ATRNL1: variants seen among roughly 807,000 people sequenced by gnomAD.
ATRNL1 encodes the protein attractin like 1.
In ATRNL1, 95 loss-of-function variants were observed where a neutral mutation model predicts 182.7. That is an observed-to-expected ratio of 0.52 (90% CI 0.44 to 0.62). The LOEUF (loss-of-function observed/expected upper bound fraction) is 0.62. Among genes scored for constraint, ATRNL1 ranks in the 20% least tolerant of loss-of-function variants. The probability of loss-of-function intolerance (pLI) is 0.00; values close to 1 mark genes in which losing one functional copy is unlikely to be tolerated. For missense variants in ATRNL1, 1,471 were observed against 1,679.5 expected (o/e 0.88, Z 2.17); for synonymous variants, 576 against 568.3 (o/e 1.01, Z -0.19).
intron 8 of ATRNL1, among the ~76,000 whole-genome samples, chr10:115,187,829 G>C (rs1238498079): frequency 6.6e-6 from 1 of 151,260 alleles, no homozygotes; most frequent in African/African-American, 2.4e-5. Flanking sequence ...CTACAGGTGC[G>C]CGCCAGCATG....
At chr10:115,292,385 T>C (rs1343836300) in intron 15 of ATRNL1, among the ~76,000 whole-genome samples, 1 of 151,918 alleles carries the variant, frequency 6.6e-6, no homozygotes, top group African/African-American at 2.4e-5. Context: ...TCTTTATTTT[T>C]TTCCTTCTTC....
At chr10:115,169,208 T>C (rs1200400126) in intron 7 of ATRNL1, among the ~76,000 whole-genome samples, 1 of 135,674 alleles carries the variant, frequency 7.4e-6, no homozygotes, top group African/African-American at 3.1e-5. Flanking sequence ...TTTGATTACT[T>C]TTTTTTTTTT....
chr10:115,120,082 G>T, intron 1 of ATRNL1, 103 bp from the exon 2 acceptor site: 1 of 679,394 alleles, frequency 1.5e-6, no homozygotes, highest in South Asian at 1.9e-5. Flanking sequence ...AAATTGTTAT[G>T]TCCCGTTCCT....
At chr10:115,643,264 G>T (rs189358041) in intron 26 of ATRNL1, among the ~76,000 whole-genome samples, 3 of 152,206 alleles carry the variant, frequency 2.0e-5, no homozygotes, top group Admixed American at 6.5e-5. Context: ...GAACAATTGG[G>T]TATAAATATG....
chr10:115,650,376 C>CA (rs35319052), intron 26 of ATRNL1, among the ~76,000 whole-genome samples: 75,439 of 151,618 alleles, frequency 0.5, 19,626 homozygotes, highest in East Asian at 0.84. Context: ...TATTGTTTAT[C>CA]TGATTTATAT....
At chr10:115,403,283 C>G (rs566677881) in intron 20 of ATRNL1, among the ~76,000 whole-genome samples, 15 of 88,162 alleles carry the variant, frequency 1.7e-4, no homozygotes, top group African/African-American at 1.2e-3. Context: ...TTTTAGTCTG[C>G]TATATGGGGA....
intron 27 of ATRNL1, among the ~76,000 whole-genome samples, chr10:115,767,043 G>T (rs563143168): frequency 6.6e-6 from 1 of 152,134 alleles, no homozygotes; most frequent in Non-Finnish European, 1.5e-5. Context: ...AATTGCAAGG[G>T]TTTATGATAA....
chr10:115,420,854 G>T (rs1474095267), intron 20 of ATRNL1, among the ~76,000 whole-genome samples: 1 of 152,046 alleles, frequency 6.6e-6, no homozygotes, highest in Non-Finnish European at 1.5e-5. Flanking sequence ...AATCAAAGAT[G>T]AAAAAGGAGA....
intron 20 of ATRNL1, among the ~76,000 whole-genome samples, chr10:115,409,948 T>C (rs1592613561): frequency 6.6e-6 from 1 of 152,166 alleles, no homozygotes; most frequent in African/African-American, 2.4e-5. Flanking sequence ...ATGTTGAATT[T>C]TGTCAAATGC....
chr10:115,419,726 A>G (rs1275973847), intron 20 of ATRNL1, among the ~76,000 whole-genome samples: 2 of 152,252 alleles, frequency 1.3e-5, no homozygotes, highest in African/African-American at 4.8e-5. Flanking sequence ...AGATACAATT[A>G]TAAACATATA....
At chr10:115,203,745 A>ATTTTTTTTT (rs71476116) in intron 8 of ATRNL1, among the ~76,000 whole-genome samples, 304 of 105,994 alleles carry the variant, frequency 2.9e-3, no homozygotes, top group African/African-American at 7.4e-3. Flanking sequence ...ATGCCTGGCT[A>ATTTTTTTTT]TTTTTTTTTT....
chr10:115,129,644 A>G (rs1845136250), intron 5 of ATRNL1, 109 bp downstream of exon 5: 8 of 744,996 alleles, frequency 1.1e-5, no homozygotes, highest in South Asian at 5.2e-5. Flanking sequence ...CAAGCCTTAT[A>G]TATTTACTTT....
intron 26 of ATRNL1, chr10:115,597,829 C>T (rs935594784): frequency 1.7e-5 from 5 of 296,936 alleles, no homozygotes; most frequent in Admixed American, 4.9e-5. Flanking sequence ...GCCACCGCGC[C>T]GGGCCTCTAT....
chr10:115,458,750 A>C (rs1847651817), intron 21 of ATRNL1, among the ~76,000 whole-genome samples: 1 of 152,110 alleles, frequency 6.6e-6, no homozygotes, highest in African/African-American at 2.4e-5. Context: ...CTGGCTTATT[A>C]ATGCTTAGTT....
chr10:115,540,584 A>ACC lies in ATRNL1; in HGVS notation c.3717-8871_3717-8870dup, dbSNP rs782003219. The stretch of plus-strand genomic sequence containing the variant: ...AGACCAGCCTGGCCAAGATAGTGAA[A>ACC]CCCCATCTCTACTAAAAATACAAAA... On this transcript the variant is annotated intron_variant, in intron 25 of 28. Transcript: ENST00000355044. Among the ~76,000 whole-genome samples, 18 of 151,954 alleles carry ACC rather than the reference A, an allele frequency of 1.2e-4. No homozygotes were observed. In the South Asian group the frequency reaches 2.5e-3, roughly 21 times the overall value.
chr10:115,309,393 T>G (rs2133997868), intron 17 of ATRNL1, among the ~76,000 whole-genome samples: 1 of 152,284 alleles, frequency 6.6e-6, no homozygotes, highest in Non-Finnish European at 1.5e-5. Context: ...ATATCAGTTC[T>G]TCTAACCCCT....
chr10:115,164,515 C>T (rs782373809), intron 6 of ATRNL1, among the ~76,000 whole-genome samples: 1 of 152,008 alleles, frequency 6.6e-6, no homozygotes, highest in Non-Finnish European at 1.5e-5. Context: ...TATATCAAAG[C>T]GATATCTGCA....
intron 28 of ATRNL1, among the ~76,000 whole-genome samples, chr10:115,892,996 T>C (rs569025364): frequency 6.6e-6 from 1 of 152,318 alleles, no homozygotes; most frequent in East Asian, 1.9e-4. Flanking sequence ...TAAACATATA[T>C]GTCATGGAAA....
At chr10:115,714,062 G>T (rs1947172039) in intron 26 of ATRNL1, among the ~76,000 whole-genome samples, 1 of 152,216 alleles carries the variant, frequency 6.6e-6, no homozygotes, top group South Asian at 2.1e-4. Context: ...ATAGTAAATG[G>T]CATATTAAGG....
Sources: gnomAD v4.1 joint callset for allele counts (sites outside exome capture counted in the v4.1 genomes callset) on GRCh38, gnomAD v4.1.1 for gene constraint, MANE v1.5 for transcripts, NCBI Gene and HGNC (gene_info 2026-07-23, HGNC 2026-07-21) for gene names.